VPS37C: variants seen among roughly 807,000 people sequenced by gnomAD.
VPS37C encodes vacuolar protein sorting-associated protein 37C.
Under a neutral mutation model 16.1 loss-of-function variants are expected in VPS37C, and 9 were observed. The observed-to-expected ratio is 0.56, with a 90% CI of 0.34 to 0.97. The LOEUF is 0.97. Among genes scored for constraint, VPS37C ranks in the 50% least tolerant of loss-of-function variants. VPS37C has a pLI of 0.02. For synonymous variants in VPS37C, 207 were observed against 206.4 expected (o/e 1.00, Z -0.02); for missense variants, 479 against 472.7 (o/e 1.01, Z -0.12).
At chr11:61,132,847 G>T in intron 4 of VPS37C, 1 of 549,430 alleles carries the variant, frequency 1.8e-6, no homozygotes, top group South Asian at 2.1e-5. Context: ...ATGAGCACTA[G>T]CCCAGGGACT....
chr11:61,134,433 G>A (rs1001890986), intron 2 of VPS37C, among the ~76,000 whole-genome samples: 1 of 152,174 alleles, frequency 6.6e-6, no homozygotes, highest in Non-Finnish European at 1.5e-5. Context: ...AGGTGGAGAC[G>A]CATGGGAACC....
At chr11:61,159,713 C>CAA (rs1194981181) in intron 1 of VPS37C, among the ~76,000 whole-genome samples, 6 of 80,110 alleles carry the variant, frequency 7.5e-5, no homozygotes, top group Non-Finnish European at 1.5e-4. Flanking sequence ...GACTCCGTCT[C>CAA]AAAAAAAAAT....
intron 2 of VPS37C, among the ~76,000 whole-genome samples, chr11:61,135,532 C>G (rs1006164790): frequency 1.3e-5 from 2 of 152,208 alleles, no homozygotes; most frequent in African/African-American, 2.4e-5. Flanking sequence ...CTCCTGAGCT[C>G]GAGCAATATT....
chr11:61,131,776 G>A lies in VPS37C; in HGVS notation c.*44C>T, dbSNP rs1384796783. On this transcript the variant is annotated 3_prime_UTR_variant, in exon 5 of 5. Transcript: ENST00000301765. ...CTCGGCGATGGCTGGGCCAAAGGTT[G>A]AGCGTGGGTGGGACTAGGGAGGGGC... 8 of 1,242,372 alleles carry A rather than the reference G, an allele frequency of 6.4e-6. No individual in the cohort carries two copies. In the African/African-American group the frequency reaches 1.2e-4, roughly 19 times the overall value. The allele number at this position is 1,242,372 out of a possible 1,614,324, so 77.0% of individuals were successfully genotyped here. A position where few individuals can be genotyped will look rare whatever the true frequency, so the allele number is the denominator to read the frequency against.
At position 61,133,270 on chromosome 11, in the gene VPS37C, G is replaced by A. The variant is rs200766323; in HGVS notation, c.333C>T (p.Ile111=). 50 of 1,614,110 alleles carry A rather than the reference G, an allele frequency of 3.1e-5. No homozygotes were observed. Among genetic ancestry groups the A allele is most frequent in the East Asian group, 2.0e-4 (9 of 44,884 alleles). ...GCCCTCTCACCTCGGACTCTTCTTC[G>A]ATCTTCATGCCTTCCACCTGCAGAA... is the stretch of plus-strand genomic sequence containing the variant. ...LDLLQVEGMK[I]EEESEAMAEK... is the part of the protein sequence containing the mutation. Residue 111 remains isoleucine, a synonymous_variant, in exon 4 of 5, where the codon ATC becomes ATT. Coordinates refer to ENST00000301765, the MANE Select transcript of VPS37C (RefSeq NM_017966.5).
In VPS37C at chr11:61,132,083, G is replaced by A. The variant is rs1487270966; in HGVS notation, c.805C>T (p.Arg269Trp). The A allele has an allele frequency of 1.9e-5, 27 of 1,397,978 alleles. No individual in the cohort carries two copies. Among genetic ancestry groups the A allele is most frequent in the South Asian group, 3.4e-5 (2 of 59,292 alleles). The allele number at this position is 1,397,978 out of a possible 1,614,324, so 86.6% of individuals were successfully genotyped here. A position where few individuals can be genotyped will look rare whatever the true frequency, so the allele number is the denominator to read the frequency against. Residue 269 changes from arginine (R) to tryptophan (W), a missense_variant, in exon 5 of 5, where the codon CGG becomes TGG. Physicochemically the swap from Arg to Trp is moderately radical, Grantham distance 101 (BLOSUM62 -3). Coordinates refer to ENST00000301765, the MANE Select transcript of VPS37C (RefSeq NM_017966.5). The part of the protein sequence containing the change: ...SWSPQRSMPP[R>W]PGYPGTPMGA... ...ATTGGGGTCCCAGGATAGCCCGGCCGGGGTGGCATGCTCCTCTGTGGGGAC... is the reference window on the plus strand; with the variant it reads ...ATTGGGGTCCCAGGATAGCCCGGCCAGGGTGGCATGCTCCTCTGTGGGGAC...
At position 61,138,677 on chromosome 11, in the gene VPS37C, C is replaced by T. The variant is rs554862535; in HGVS notation, c.93+60G>A. The stretch of plus-strand genomic sequence containing the variant: ...CCAATAAGCCAGCATCCTTAAAAAG[C>T]GCCTCTTAACAAGCCTCATCTGCTG... On this transcript the variant is annotated intron_variant, in intron 2 of 4. Transcript: ENST00000301765. 169 of 1,500,614 alleles carry T rather than the reference C, an allele frequency of 1.1e-4. 1 individual carries two copies. The South Asian group carries it at 1.7e-3, about 16-fold the overall frequency. 93.0% of individuals were successfully genotyped at this position (1,500,614 alleles called of 1,614,324 possible). A position where few individuals can be genotyped will look rare whatever the true frequency, so the allele number is the denominator to read the frequency against.
chr11:61,143,211 C>T lies in VPS37C; in HGVS notation c.-6-4376G>A, dbSNP rs369190964. Among the ~76,000 whole-genome samples, 29 of 152,024 alleles carry T rather than the reference C, an allele frequency of 1.9e-4. No individual in the cohort carries two copies. In the South Asian group the frequency reaches 5.8e-3, roughly 31 times the overall value. On this transcript the variant is annotated intron_variant, in intron 1 of 4. Coordinates refer to ENST00000301765, the MANE Select transcript of VPS37C (RefSeq NM_017966.5). ...TATCACCCCCACCTCACAGGGGAGG[C>T]TGGGAGAGGTGACGTTACTTGCCCA... is the stretch of plus-strand genomic sequence containing the variant.
chr11:61,159,597 C>G (rs1853431524), intron 1 of VPS37C, among the ~76,000 whole-genome samples: 1 of 151,968 alleles, frequency 6.6e-6, no homozygotes, highest in Non-Finnish European at 1.5e-5. Context: ...GAGTTCGAGA[C>G]CAGCCTGGCC....
intron 2 of VPS37C, among the ~76,000 whole-genome samples, chr11:61,136,638 G>C (rs577944842): frequency 6.6e-6 from 1 of 152,188 alleles, no homozygotes; most frequent in African/African-American, 2.4e-5. Flanking sequence ...GTAAATAAAA[G>C]ATGTTTTCAC....
At chr11:61,147,563 T>G (rs1382924741) in intron 1 of VPS37C, among the ~76,000 whole-genome samples, 1 of 151,832 alleles carries the variant, frequency 6.6e-6, no homozygotes. Flanking sequence ...GGGTTCAAAC[T>G]TGGGGCAGCC....
At chr11:61,137,271 G>A (rs1432160923) in intron 2 of VPS37C, among the ~76,000 whole-genome samples, 3 of 152,096 alleles carry the variant, frequency 2.0e-5, no homozygotes, top group East Asian at 3.9e-4. Flanking sequence ...CTGTCTTATA[G>A]CCCACGATAA....
At chr11:61,138,919 A>T in intron 1 of VPS37C, 84 bp from the exon 2 acceptor site, 1 of 1,316,654 alleles carries the variant, frequency 7.6e-7, no homozygotes, top group Non-Finnish European at 1.1e-6. Context: ...TTTATCAAAA[A>T]CAAACTGGAG....
Position 61,131,783 on chromosome 11 carries a change from G to T in VPS37C, c.*37C>A, listed in dbSNP as rs769662692. The stretch of plus-strand genomic sequence containing the variant: ...ATGGCTGGGCCAAAGGTTGAGCGTG[G>T]GTGGGACTAGGGAGGGGCCGAGGGC... On this transcript the variant is annotated 3_prime_UTR_variant, in exon 5 of 5. Coordinates refer to ENST00000301765, the MANE Select transcript of VPS37C (RefSeq NM_017966.5). The T allele has an allele frequency of 3.2e-6, 4 of 1,244,412 alleles. No homozygotes were observed. The African/African-American group carries it at 4.6e-5, about 14-fold the overall frequency. The allele number at this position is 1,244,412 out of a possible 1,614,324, so 77.1% of individuals were successfully genotyped here.
chr11:61,130,783 G>GT lies in VPS37C; in HGVS notation c.*1036dup. 1 of 433,638 alleles carries GT rather than the reference G, an allele frequency of 2.3e-6. No homozygotes were observed. The highest frequency in any genetic ancestry group is 4.6e-6 in the Non-Finnish European group (1 of 219,484). The allele number at this position is 433,638 out of a possible 1,614,324, so 26.9% of individuals were successfully genotyped here. A position where few individuals can be genotyped will look rare whatever the true frequency, so the allele number is the denominator to read the frequency against. On this transcript the variant is annotated 3_prime_UTR_variant, in exon 5 of 5. Coordinates refer to ENST00000301765, the MANE Select transcript of VPS37C (RefSeq NM_017966.5). ...AAATTGCCCCTAATGTAGTGATGGT[G>GT]TTTTTTAAAAAGCACCATTTGGGAA...
chr11:61,142,173 A>G (rs1016792690), intron 1 of VPS37C, among the ~76,000 whole-genome samples: 2 of 152,212 alleles, frequency 1.3e-5, no homozygotes, highest in African/African-American at 4.8e-5. Flanking sequence ...GAGGACTCCA[A>G]AGAGTTTTGT....
intron 1 of VPS37C, among the ~76,000 whole-genome samples, chr11:61,159,292 C>T (rs1169853516): frequency 6.6e-6 from 1 of 152,172 alleles, no homozygotes; most frequent in Non-Finnish European, 1.5e-5. Context: ...CTTGCCTTAC[C>T]GTAAGAATCA....
At chr11:61,146,137 T>G (rs1403286429) in intron 1 of VPS37C, among the ~76,000 whole-genome samples, 3 of 152,180 alleles carry the variant, frequency 2.0e-5, no homozygotes, top group African/African-American at 7.2e-5. Context: ...ACTGAAGACG[T>G]GGGGACAGAG....
intron 2 of VPS37C, among the ~76,000 whole-genome samples, chr11:61,137,196 G>A (rs1055703917): frequency 1.3e-5 from 2 of 152,016 alleles, no homozygotes; most frequent in Non-Finnish European, 2.9e-5. Context: ...TCTCCTAGCC[G>A]TGTCCATGTC....
Sources: allele counts gnomAD v4.1 joint callset (sites outside exome capture counted in the v4.1 genomes callset), GRCh38; gene constraint gnomAD v4.1.1; transcripts MANE v1.5; gene names NCBI Gene and HGNC (gene_info 2026-07-23, HGNC 2026-07-21).